The following CNTNAP2 variants were observed in gnomAD, a reference collection of about 807,000 sequenced individuals.
CNTNAP2 encodes contactin associated protein 2.
CNTNAP2 carries 98 observed loss-of-function variants against 155.2 expected under a neutral mutation model. The ratio of observed to expected loss-of-function variants is 0.63; its 90% confidence interval spans 0.54 to 0.75. The LOEUF is 0.75. Among genes scored for constraint, CNTNAP2 ranks in the 30% least tolerant of loss-of-function variants. The pLI, the probability that CNTNAP2 is intolerant of heterozygous loss-of-function variation, is 0.00. For missense variants in CNTNAP2, 1,727 were observed against 1,688.1 expected, an observed-to-expected ratio of 1.02 and a Z score of -0.40; for synonymous variants, 651 against 631.2, an observed-to-expected ratio of 1.03 and a Z score of -0.47.
intron 9 of CNTNAP2, among the ~76,000 whole-genome samples, chr7:147,347,429 T>C (rs1795886463): frequency 1.9e-5 from 1 of 53,748 alleles, no homozygotes; most frequent in East Asian, 4.1e-4. Context: ...ATTATATATA[T>C]ATATATATAT....
intron 1 of CNTNAP2, among the ~76,000 whole-genome samples, chr7:146,475,812 A>G (rs763502824): frequency 6.6e-6 from 1 of 152,206 alleles, no homozygotes; most frequent in African/African-American, 2.4e-5. Flanking sequence ...CCAAAATATC[A>G]CATATATTTT....
At chr7:147,218,473 T>G (rs776347090) in intron 8 of CNTNAP2, among the ~76,000 whole-genome samples, 15 of 152,058 alleles carry the variant, frequency 9.9e-5, no homozygotes, top group Non-Finnish European at 2.2e-4. Flanking sequence ...TTTTTAAATT[T>G]CTCTTGAAAT....
At chr7:146,564,075 T>C (rs1308378007) in intron 1 of CNTNAP2, among the ~76,000 whole-genome samples, 1 of 152,162 alleles carries the variant, frequency 6.6e-6, no homozygotes, top group Non-Finnish European at 1.5e-5. Context: ...CAAGTTCTTA[T>C]TATTTAATCA....
At chr7:146,721,889 A>ATTTTTTTTT (rs71527797) in intron 1 of CNTNAP2, among the ~76,000 whole-genome samples, 1 of 69,738 alleles carries the variant, frequency 1.4e-5, no homozygotes, top group African/African-American at 1.9e-4. Flanking sequence ...ATATATATAT[A>ATTTTTTTTT]TTTTTTTTTT....
chr7:147,990,213 T>C (rs1801687075), intron 15 of CNTNAP2, among the ~76,000 whole-genome samples: 1 of 152,106 alleles, frequency 6.6e-6, no homozygotes, highest in Non-Finnish European at 1.5e-5. Context: ...CGGGGGAAGC[T>C]TCAGAGACAA....
chr7:147,116,132 C>A (rs77362960), intron 5 of CNTNAP2, among the ~76,000 whole-genome samples: 5,068 of 152,122 alleles, frequency 0.033, 255 homozygotes, highest in African/African-American at 0.11. Context: ...TTTCCTGTAC[C>A]TGGAAGTATA....
At chr7:148,280,571 T>A (rs1044700101) in intron 21 of CNTNAP2, among the ~76,000 whole-genome samples, 2 of 152,168 alleles carry the variant, frequency 1.3e-5, no homozygotes, top group African/African-American at 2.4e-5. Flanking sequence ...TCTGTACAAT[T>A]TCTTACAACT....
intron 3 of CNTNAP2, among the ~76,000 whole-genome samples, chr7:147,019,311 C>T (rs894581082): frequency 1.1e-4 from 16 of 151,968 alleles, no homozygotes; most frequent in Admixed American, 7.9e-4. Context: ...AGTTGTTTCA[C>T]GCTTTAACAC....
chr7:148,002,546 C>G (rs1801916568), intron 15 of CNTNAP2, among the ~76,000 whole-genome samples: 1 of 152,096 alleles, frequency 6.6e-6, no homozygotes, highest in Non-Finnish European at 1.5e-5. Context: ...ATTTATAATG[C>G]TAATTAATTA....
intron 8 of CNTNAP2, among the ~76,000 whole-genome samples, chr7:147,196,033 C>T (rs36071703): frequency 0.22 from 33,512 of 151,888 alleles, 4,810 homozygotes; most frequent in Non-Finnish European, 0.32. Flanking sequence ...AACTAGAGTC[C>T]TTATAAGAAG....
intron 1 of CNTNAP2, among the ~76,000 whole-genome samples, chr7:146,546,169 G>A (rs1209745895): frequency 3.3e-5 from 5 of 152,002 alleles, no homozygotes; most frequent in South Asian, 2.1e-4. Flanking sequence ...GTGTATTTGT[G>A]TGTGTAGCTT....
chr7:148,093,200 AAT>A (rs1370753628), intron 15 of CNTNAP2, among the ~76,000 whole-genome samples: 1 of 149,382 alleles, frequency 6.7e-6, no homozygotes, highest in East Asian at 2.1e-4. Context: ...AAAAAAAAAA[AAT>A]TAAATTTTTT....
At chr7:148,148,665 A>T (rs957729933) in intron 17 of CNTNAP2, among the ~76,000 whole-genome samples, 1 of 152,254 alleles carries the variant, frequency 6.6e-6, no homozygotes, top group Non-Finnish European at 1.5e-5. Context: ...TAATTTTAAC[A>T]AGGGGCAGAG....
intron 1 of CNTNAP2, among the ~76,000 whole-genome samples, chr7:146,456,488 CTTTATATAAATT>C (rs1796557125): frequency 6.6e-6 from 1 of 152,102 alleles, no homozygotes; most frequent in Non-Finnish European, 1.5e-5. Flanking sequence ...TCTGCTTGGG[CTTTATATAAATT>C]TTCTGAAGTC....
intron 10 of CNTNAP2, among the ~76,000 whole-genome samples, chr7:147,441,363 G>T (rs971440094): frequency 6.6e-6 from 1 of 151,978 alleles, no homozygotes; most frequent in Admixed American, 6.6e-5. Context: ...TTCCTTCTCT[G>T]TGTTATCTTG....
In CNTNAP2 at chr7:147,062,127, CAAAAAAAAAAAAAAAAAAAAAAAAAAAA is replaced by C. The variant is rs869125044; in HGVS notation, c.550+18089_550+18116del. Among the ~76,000 whole-genome samples the C allele has an allele frequency of 1.8e-4, 8 of 44,938 alleles. 1 individual carries two copies. The highest frequency in any genetic ancestry group is 1.2e-3 in the South Asian group (1 of 848). 29.5% of individuals were successfully genotyped at this position (44,938 alleles called of 152,430 possible). A position where few individuals can be genotyped will look rare whatever the true frequency, so the allele number is the denominator to read the frequency against. On this transcript the variant is annotated intron_variant, in intron 4 of 23. Coordinates refer to ENST00000361727, the MANE Select transcript of CNTNAP2 (RefSeq NM_014141.6). ...TGGGCGACAGAGCGAGACTCCGTCT[CAAAAAAAAAAAAAAAAAAAAAAAAAAAA>C]AAAAAAAAAAAAAAACCAGTTCTTT...
intron 1 of CNTNAP2, among the ~76,000 whole-genome samples, chr7:146,229,633 G>A (rs1584813944): frequency 6.6e-6 from 1 of 151,896 alleles, no homozygotes; most frequent in Admixed American, 6.6e-5. Flanking sequence ...GGAAACTTCA[G>A]TTGCCAAATG....
chr7:146,801,710 A>G (rs1802880752), intron 2 of CNTNAP2, among the ~76,000 whole-genome samples: 1 of 152,168 alleles, frequency 6.6e-6, no homozygotes, highest in African/African-American at 2.4e-5. Context: ...AGAGGCTGAC[A>G]TGGTTAAAGT....
intron 13 of CNTNAP2, among the ~76,000 whole-genome samples, chr7:147,869,230 A>G (rs1274899260): frequency 6.6e-6 from 1 of 152,382 alleles, no homozygotes; most frequent in East Asian, 1.9e-4. Context: ...TGTGTATATG[A>G]CACAGTGCAT....
Sources: allele counts gnomAD v4.1 joint callset (sites outside exome capture counted in the v4.1 genomes callset), GRCh38; gene constraint gnomAD v4.1.1; transcripts MANE v1.5; gene names NCBI Gene and HGNC (gene_info 2026-07-23, HGNC 2026-07-21).